ADAM10: variants seen among roughly 807,000 people sequenced by gnomAD.
ADAM10 encodes the protein ADAM metallopeptidase domain 10, also known as disintegrin and metalloproteinase domain-containing protein 10.
A neutral mutation model predicts 90.1 loss-of-function variants in ADAM10; 17 were observed. That is an observed-to-expected ratio of 0.19 (90% CI 0.13 to 0.28). ADAM10 has a LOEUF of 0.28. Ranked by LOEUF, ADAM10 falls within the 10% of genes least tolerant of loss-of-function variation. The probability of loss-of-function intolerance (pLI) is 1.00; values close to 1 mark genes in which losing one functional copy is unlikely to be tolerated. For synonymous variants in ADAM10, 310 were observed against 298.6 expected (o/e 1.04, Z -0.40); for missense variants, 610 against 914.3 (o/e 0.67, Z 4.29).
intron 2 of ADAM10, among the ~76,000 whole-genome samples, chr15:58,714,245 T>C (rs896371707): frequency 6.6e-6 from 1 of 151,602 alleles, no homozygotes; most frequent in South Asian, 2.1e-4. Flanking sequence ...TTCATGTGCT[T>C]AGACATAAAA....
intron 5 of ADAM10, among the ~76,000 whole-genome samples, chr15:58,652,853 C>T (rs996996893): frequency 3.9e-5 from 6 of 152,134 alleles, no homozygotes; most frequent in African/African-American, 9.7e-5. Flanking sequence ...TTCCGATATA[C>T]GAACATAGAA....
Position 58,632,089 on chromosome 15 carries a change from A to G in ADAM10, c.1176+1107T>C, listed in dbSNP as rs547497706. 3.3e-5 allele frequency among the ~76,000 whole-genome samples: 5 copies of G among 152,354 alleles called. No individual in the cohort carries two copies. In the East Asian group the frequency reaches 9.6e-4, roughly 29 times the overall value. ...GTGAAAGTAAAATGAATTTACATAC[A>G]GTTTTCAAGTGTACATTTTCAAAAT... is the stretch of plus-strand genomic sequence containing the variant. On this transcript the variant is annotated intron_variant, in intron 9 of 15. Coordinates refer to ENST00000260408, the MANE Select transcript of ADAM10 (RefSeq NM_001110.4).
chr15:58,708,481 G>C (rs1239232415), intron 2 of ADAM10, among the ~76,000 whole-genome samples: 1 of 152,064 alleles, frequency 6.6e-6, no homozygotes, highest in Non-Finnish European at 1.5e-5. Context: ...GGGCAACACA[G>C]CAAGAAGCCC....
intron 9 of ADAM10, 33 bp downstream of exon 9, chr15:58,633,163 T>C (rs1896149964): frequency 6.4e-7 from 1 of 1,568,680 alleles, no homozygotes; most frequent in Non-Finnish European, 8.8e-7. Flanking sequence ...GACTAATAAG[T>C]ATTTTTTAAG....
At chr15:58,643,050 C>T (rs979408049) in intron 7 of ADAM10, among the ~76,000 whole-genome samples, 1 of 151,898 alleles carries the variant, frequency 6.6e-6, no homozygotes, top group Non-Finnish European at 1.5e-5. Flanking sequence ...GTGGCAAATA[C>T]TTTTGTGAAA....
intron 8 of ADAM10, among the ~76,000 whole-genome samples, chr15:58,635,077 G>C (rs1230704366): frequency 7.9e-5 from 12 of 151,610 alleles, no homozygotes; most frequent in African/African-American, 2.9e-4. Context: ...AAGGTCAGGA[G>C]ATTGAGAACA....
intron 1 of ADAM10, among the ~76,000 whole-genome samples, chr15:58,746,717 C>G (rs1048739278): frequency 2.6e-5 from 4 of 152,014 alleles, no homozygotes; most frequent in African/African-American, 9.7e-5. Context: ...TTGAGACCAG[C>G]CTGGGCAACG....
intron 9 of ADAM10, among the ~76,000 whole-genome samples, chr15:58,632,437 G>A (rs1352649066): frequency 1.3e-5 from 2 of 152,194 alleles, no homozygotes; most frequent in African/African-American, 4.8e-5. Context: ...ATTAGGGGTT[G>A]ACAAAGTAGC....
intron 2 of ADAM10, among the ~76,000 whole-genome samples, chr15:58,713,720 C>A (rs1401994076): frequency 6.6e-6 from 1 of 152,128 alleles, no homozygotes; most frequent in Non-Finnish European, 1.5e-5. Flanking sequence ...GGAGTTGTTT[C>A]CTTAACGACT....
chr15:58,710,271 T>A (rs529351298), intron 2 of ADAM10, among the ~76,000 whole-genome samples: 1 of 152,206 alleles, frequency 6.6e-6, no homozygotes, highest in Non-Finnish European at 1.5e-5. Context: ...ATGTGGAAAA[T>A]AAAATTGATA....
chr15:58,698,567 C>T (rs1191891923), intron 2 of ADAM10, among the ~76,000 whole-genome samples: 1 of 120,290 alleles, frequency 8.3e-6, no homozygotes, highest in Non-Finnish European at 1.8e-5. Flanking sequence ...CAGAGTGAGA[C>T]CTTGTCTCAA....
intron 9 of ADAM10, among the ~76,000 whole-genome samples, chr15:58,628,631 T>C (rs1247225318): frequency 6.6e-6 from 1 of 152,154 alleles, no homozygotes; most frequent in Admixed American, 6.5e-5. Flanking sequence ...AGAACACTAC[T>C]ACCAGATCCC....
At chr15:58,680,146 A>G (rs1414977006) in intron 3 of ADAM10, among the ~76,000 whole-genome samples, 2 of 151,986 alleles carry the variant, frequency 1.3e-5, no homozygotes, top group East Asian at 3.9e-4. Flanking sequence ...CTTTTGAGAC[A>G]AGGTCTTGCT....
At chr15:58,638,562 C>T (rs1393597862) in intron 8 of ADAM10, among the ~76,000 whole-genome samples, 2 of 139,606 alleles carry the variant, frequency 1.4e-5, no homozygotes, top group East Asian at 2.1e-4. Flanking sequence ...TTGCAGTGAG[C>T]GGAGATCGCG....
intron 14 of ADAM10, among the ~76,000 whole-genome samples, chr15:58,599,959 C>T (rs1022653006): frequency 2.6e-5 from 4 of 151,736 alleles, no homozygotes; most frequent in African/African-American, 9.7e-5. Flanking sequence ...TAGAGGAAAC[C>T]GCTCAATCTG....
At chr15:58,734,721 T>C (rs1357637452) in intron 1 of ADAM10, among the ~76,000 whole-genome samples, 1 of 143,124 alleles carries the variant, frequency 7.0e-6, no homozygotes, top group Non-Finnish European at 1.5e-5. Context: ...AAAAAAAAAC[T>C]GAAAAGAAAA....
At chr15:58,663,125 C>T (rs1897008067) in intron 5 of ADAM10, among the ~76,000 whole-genome samples, 1 of 152,204 alleles carries the variant, frequency 6.6e-6, no homozygotes, top group Non-Finnish European at 1.5e-5. Flanking sequence ...GTTACTCTAT[C>T]ACAGCTTGAA....
intron 1 of ADAM10, among the ~76,000 whole-genome samples, chr15:58,729,410 T>C (rs75575001): frequency 6.0e-4 from 92 of 152,318 alleles, no homozygotes; most frequent in African/African-American, 2.0e-3. Context: ...ACTAACAGCA[T>C]AGGTATCTCC....
At chr15:58,653,922 A>G (rs1463197514) in intron 5 of ADAM10, among the ~76,000 whole-genome samples, 1 of 152,120 alleles carries the variant, frequency 6.6e-6, no homozygotes, top group Non-Finnish European at 1.5e-5. Context: ...TTTGAACATC[A>G]TGGTTCAATC....
Sources: allele counts gnomAD v4.1 joint callset (sites outside exome capture counted in the v4.1 genomes callset), GRCh38; gene constraint gnomAD v4.1.1; transcripts MANE v1.5; gene names NCBI Gene and HGNC (gene_info 2026-07-23, HGNC 2026-07-21).